Variants in SLX4IP observed in about 807,000 individuals in gnomAD.
SLX4IP encodes protein SLX4IP.
Under a neutral mutation model 32.9 loss-of-function variants are expected in SLX4IP, and 34 were observed. The ratio of observed to expected loss-of-function variants is 1.03; its 90% CI spans 0.79 to 1.38. SLX4IP has a LOEUF of 1.38. SLX4IP is among the 40% of genes most tolerant of loss of function. The pLI, the probability that SLX4IP is intolerant of heterozygous loss-of-function variation, is 0.00. For missense variants in SLX4IP, 444 were observed against 479.0 expected (o/e 0.93, Z 0.68); for synonymous variants, 172 against 171.7 (o/e 1.00, Z -0.01).
At chr20:10,515,715 A>G (rs953992100) in intron 2 of SLX4IP, among the ~76,000 whole-genome samples, 1 of 152,224 alleles carries the variant, frequency 6.6e-6, no homozygotes, top group African/African-American at 2.4e-5. Context: ...TGAATATTCT[A>G]TCTGAATGGT....
chr20:10,581,791 G>A lies in SLX4IP; in HGVS notation c.239-16884G>A, dbSNP rs533623630. 2.6e-5 allele frequency among the ~76,000 whole-genome samples: 4 copies of A among 152,222 alleles called. No homozygotes were observed. The East Asian group carries it at 7.7e-4, about 29-fold the overall frequency. On this transcript the variant is annotated intron_variant, in intron 4 of 7. Transcript: ENST00000334534. ...TTTTTAATTAGCTGAGTGTGGTGGT[G>A]TGCACCTGGAGTCCTACTTGCTTGG...
intron 4 of SLX4IP, among the ~76,000 whole-genome samples, chr20:10,589,069 T>C (rs1267646976): frequency 6.6e-6 from 1 of 152,198 alleles, no homozygotes; most frequent in Non-Finnish European, 1.5e-5. Context: ...CTTTTATTTA[T>C]CAATTATACC....
At chr20:10,546,191 C>G (rs977629660) in intron 2 of SLX4IP, among the ~76,000 whole-genome samples, 2 of 152,156 alleles carry the variant, frequency 1.3e-5, no homozygotes, top group Non-Finnish European at 2.9e-5. Flanking sequence ...ATGAGTGATG[C>G]TTGTTTCCCA....
chr20:10,585,641 C>T (rs2066637564), intron 4 of SLX4IP, among the ~76,000 whole-genome samples: 1 of 151,586 alleles, frequency 6.6e-6, no homozygotes, highest in African/African-American at 2.4e-5. Flanking sequence ...GGATGGAGCG[C>T]AGTGGCATGA....
At chr20:10,559,850 A>C (rs774542690) in intron 3 of SLX4IP, among the ~76,000 whole-genome samples, 3 of 152,214 alleles carry the variant, frequency 2.0e-5, no homozygotes, top group Non-Finnish European at 4.4e-5. Flanking sequence ...CTGTTAGTAC[A>C]TGAGTGTAGT....
rs551307904 is a variant in SLX4IP at position 10,525,711 on chromosome 20, T to C, written c.28-30520T>C. ...TCCCACAATCAAACCCATCAGGTAA[T>C]GGACCAGCACATTTCTTCGTGTCTT... is the stretch of plus-strand genomic sequence containing the variant. On this transcript the variant is annotated intron_variant, in intron 2 of 7. Coordinates refer to ENST00000334534, the MANE Select transcript of SLX4IP (RefSeq NM_001009608.3). Among the ~76,000 whole-genome samples the C allele has an allele frequency of 9.8e-5, 15 of 152,310 alleles. No individual in the cohort carries two copies. In the East Asian group the frequency reaches 2.9e-3, roughly 29 times the overall value.
chr20:10,618,916 A>C, intron 6 of SLX4IP, among the ~76,000 whole-genome samples: 1 of 109,512 alleles, frequency 9.1e-6, no homozygotes, highest in Non-Finnish European at 1.7e-5. Context: ...TTCCTAAGGA[A>C]TACTTGTTTG....
intron 4 of SLX4IP, among the ~76,000 whole-genome samples, chr20:10,594,272 C>T (rs966851364): frequency 3.3e-5 from 5 of 152,102 alleles, no homozygotes; most frequent in African/African-American, 4.8e-5. Flanking sequence ...TGAGGGGCAT[C>T]GTAGGTCTTC....
chr20:10,559,450 A>T (rs1426012005), intron 3 of SLX4IP, among the ~76,000 whole-genome samples: 1 of 152,232 alleles, frequency 6.6e-6, no homozygotes, highest in Non-Finnish European at 1.5e-5. Flanking sequence ...ACCTGAGATG[A>T]CATTGCAAGA....
rs1406635253 is a variant in SLX4IP, at chr20:10,624,391, C to T, written c.*1012C>T. 4 of 152,160 alleles carry T rather than the reference C, an allele frequency of 2.6e-5. No homozygotes were observed. Among genetic ancestry groups the T allele is most frequent in the East Asian group, 1.9e-4 (1 of 5,182 alleles). The allele number at this position is 152,160 out of a possible 1,614,324, so 9.4% of individuals were successfully genotyped here. On this transcript the variant is annotated 3_prime_UTR_variant, in exon 8 of 8. Transcript: ENST00000334534. ...GCAGTTCAAATTTCAAGATGGGAGC[C>T]TTCCCTTTACAATGTCACCCACTGT...
intron 4 of SLX4IP, among the ~76,000 whole-genome samples, chr20:10,587,172 T>C (rs186969421): frequency 7.6e-4 from 116 of 152,128 alleles, no homozygotes; most frequent in African/African-American, 2.6e-3. Context: ...TTTGGCAATA[T>C]AGAAAACAAA....
At chr20:10,474,367 A>G (rs2065455341) in intron 2 of SLX4IP, among the ~76,000 whole-genome samples, 1 of 152,246 alleles carries the variant, frequency 6.6e-6, no homozygotes, top group Admixed American at 6.5e-5. Flanking sequence ...ATATTGAGAG[A>G]TCACATAACA....
chr20:10,602,300 C>G (rs766348478), intron 6 of SLX4IP, among the ~76,000 whole-genome samples: 19 of 151,874 alleles, frequency 1.3e-4, no homozygotes, highest in Non-Finnish European at 2.5e-4. Context: ...CTCTCTCTCT[C>G]TCTCTCTGTC....
At chr20:10,512,383 C>T (rs1357157751) in intron 2 of SLX4IP, among the ~76,000 whole-genome samples, 2 of 151,616 alleles carry the variant, frequency 1.3e-5, no homozygotes, top group East Asian at 1.9e-4. Context: ...AATAAATTAA[C>T]GTATTGTCAT....
At chr20:10,584,345 A>G (rs866049115) in intron 4 of SLX4IP, among the ~76,000 whole-genome samples, 1 of 152,178 alleles carries the variant, frequency 6.6e-6, no homozygotes, top group South Asian at 2.1e-4. Flanking sequence ...CACTGTTGCT[A>G]TAGAATCCAG....
chr20:10,440,660 A>G (rs1234041638), intron 1 of SLX4IP, among the ~76,000 whole-genome samples: 1 of 151,950 alleles, frequency 6.6e-6, no homozygotes, highest in Admixed American at 6.6e-5. Context: ...AGTACTCCTT[A>G]CCCCTTCACC....
chr20:10,627,122 A>G lies in SLX4IP; in HGVS notation c.*3743A>G, dbSNP rs1600172251. 6.6e-6 allele frequency: 1 copy of G among 152,232 alleles called. No individual in the cohort carries two copies. Among genetic ancestry groups the G allele is most frequent in the East Asian group, 1.9e-4 (1 of 5,202 alleles). The allele number at this position is 152,232 out of a possible 1,614,324, so 9.4% of individuals were successfully genotyped here. On this transcript the variant is annotated 3_prime_UTR_variant, in exon 8 of 8. Transcript: ENST00000334534. The stretch of plus-strand genomic sequence containing the variant: ...TTGGCAGACCTTACTGTAATATTAC[A>G]CAAAACTGTAATGAGTGGCCCTCCT...
chr20:10,447,866 ATTTTT>A (rs35397723), intron 1 of SLX4IP, among the ~76,000 whole-genome samples: 1 of 119,542 alleles, frequency 8.4e-6, no homozygotes, highest in Admixed American at 8.5e-5. Context: ...CACCTGGCTG[ATTTTT>A]TTTTTTTTTT....
intron 2 of SLX4IP, among the ~76,000 whole-genome samples, chr20:10,550,658 T>G (rs950511647): frequency 6.6e-6 from 1 of 152,198 alleles, no homozygotes; most frequent in Non-Finnish European, 1.5e-5. Flanking sequence ...CCAGGGCCCC[T>G]CTGTGGCCTG....
Sources: gnomAD v4.1 joint callset for allele counts (sites outside exome capture counted in the v4.1 genomes callset) on GRCh38, gnomAD v4.1.1 for gene constraint, MANE v1.5 for transcripts, NCBI Gene and HGNC (gene_info 2026-07-23, HGNC 2026-07-21) for gene names.